The following EPHA5 variants were observed in gnomAD, a reference collection of about 807,000 sequenced individuals.
EPHA5 encodes the protein ephrin type-A receptor 5.
A neutral mutation model predicts 105.0 loss-of-function variants in EPHA5; 60 were observed. That is an observed-to-expected ratio of 0.57 (90% CI 0.46 to 0.71). The LOEUF is 0.71. Ranked by LOEUF, EPHA5 falls within the 30% of genes least tolerant of loss-of-function variation. The pLI, the probability that EPHA5 is intolerant of heterozygous loss-of-function variation, is 0.00. For synonymous variants in EPHA5, 513 were observed against 449.1 expected, an observed-to-expected ratio of 1.14 and a Z score of -1.80; for missense variants, 1,218 against 1,274.7, an observed-to-expected ratio of 0.96 and a Z score of 0.68.
intron 3 of EPHA5, among the ~76,000 whole-genome samples, chr4:65,543,610 A>G (rs1478258911): frequency 6.6e-6 from 1 of 151,954 alleles, no homozygotes; most frequent in Non-Finnish European, 1.5e-5. Flanking sequence ...ATTCTCATAG[A>G]TTGGAAGAAT....
intron 3 of EPHA5, among the ~76,000 whole-genome samples, chr4:65,563,467 T>C (rs1739225864): frequency 6.6e-6 from 1 of 152,060 alleles, no homozygotes; most frequent in African/African-American, 2.4e-5. Flanking sequence ...TAATTATTTG[T>C]CTAAAAGAGC....
At chr4:65,456,719 C>T (rs4860665) in intron 5 of EPHA5, among the ~76,000 whole-genome samples, 30,623 of 83,626 alleles carry the variant, frequency 0.37, 3,899 homozygotes, top group Middle Eastern at 0.48. Context: ...ACAAAATAAA[C>T]ATATACACAC....
At chr4:65,529,512 A>G (rs1446708469) in intron 3 of EPHA5, among the ~76,000 whole-genome samples, 3 of 152,040 alleles carry the variant, frequency 2.0e-5, no homozygotes, top group Non-Finnish European at 4.4e-5. Flanking sequence ...AAAGAAAGAA[A>G]AAAACAACAA....
At chr4:65,496,949 G>T (rs145600642) in intron 3 of EPHA5, among the ~76,000 whole-genome samples, 44 of 152,082 alleles carry the variant, frequency 2.9e-4, no homozygotes. Flanking sequence ...AGGTAAATGC[G>T]CATGAAGTAA....
chr4:65,403,630 T>C (rs553389308), intron 8 of EPHA5, among the ~76,000 whole-genome samples: 1 of 152,058 alleles, frequency 6.6e-6, no homozygotes, highest in Non-Finnish European at 1.5e-5. Flanking sequence ...TTTATTCTAC[T>C]TTATTGCATT....
At chr4:65,418,738 C>T (rs557904482) in intron 6 of EPHA5, among the ~76,000 whole-genome samples, 1 of 151,826 alleles carries the variant, frequency 6.6e-6, no homozygotes. Context: ...CATCCCTCCC[C>T]ATTGTTTTAT....
intron 3 of EPHA5, among the ~76,000 whole-genome samples, chr4:65,547,527 C>T (rs187249337): frequency 1.1e-3 from 172 of 151,590 alleles, no homozygotes; most frequent in African/African-American, 3.7e-3. Flanking sequence ...GGTGATGTTC[C>T]GGTTAAGTCA....
intron 2 of EPHA5, among the ~76,000 whole-genome samples, chr4:65,623,236 T>C (rs943839073): frequency 6.6e-6 from 1 of 152,054 alleles, no homozygotes; most frequent in Non-Finnish European, 1.5e-5. Context: ...ATATTGTTAC[T>C]ACGGGGATCA....
At chr4:65,650,650 T>C (rs1373041739) in intron 1 of EPHA5, among the ~76,000 whole-genome samples, 1 of 151,610 alleles carries the variant, frequency 6.6e-6, no homozygotes, top group Non-Finnish European at 1.5e-5. Context: ...CCACATTGAA[T>C]CATTGACCAA....
At chr4:65,646,967 G>T (rs1748162896) in intron 1 of EPHA5, among the ~76,000 whole-genome samples, 1 of 151,908 alleles carries the variant, frequency 6.6e-6, no homozygotes, top group South Asian at 2.1e-4. Flanking sequence ...AAAGCACTTT[G>T]CCACTACTGT....
intron 8 of EPHA5, among the ~76,000 whole-genome samples, chr4:65,397,293 T>A (rs745237): frequency 0.16 from 23,708 of 152,082 alleles, 2,165 homozygotes; most frequent in East Asian, 0.28. Context: ...ACAGCTCCCC[T>A]CTCCTCTCTT....
chr4:65,337,886 C>T (rs920461896), intron 14 of EPHA5, among the ~76,000 whole-genome samples: 4 of 151,932 alleles, frequency 2.6e-5, no homozygotes, highest in South Asian at 2.1e-4. Context: ...TCAAGGACTC[C>T]AAAATTAAAT....
At chr4:65,358,784 T>C (rs1723547858) in intron 11 of EPHA5, among the ~76,000 whole-genome samples, 1 of 151,556 alleles carries the variant, frequency 6.6e-6, no homozygotes, top group African/African-American at 2.4e-5. Flanking sequence ...CAAAAGCTTG[T>C]ATACCTCACC....
chr4:65,655,506 T>G (rs1443640069), intron 1 of EPHA5, among the ~76,000 whole-genome samples: 1 of 152,114 alleles, frequency 6.6e-6, no homozygotes, highest in Non-Finnish European at 1.5e-5. Flanking sequence ...CAGCTGTATT[T>G]TGTAGCAATG....
intron 3 of EPHA5, among the ~76,000 whole-genome samples, chr4:65,520,442 A>C (rs1734575564): frequency 6.6e-6 from 1 of 152,242 alleles, no homozygotes; most frequent in Admixed American, 6.5e-5. Flanking sequence ...AAACCTAAGC[A>C]ATACCATTCA....
intron 3 of EPHA5, among the ~76,000 whole-genome samples, chr4:65,586,836 T>C (rs1742170268): frequency 6.6e-6 from 1 of 152,090 alleles, no homozygotes; most frequent in African/African-American, 2.4e-5. Context: ...TCTACAGACC[T>C]GGCATGCAGC....
rs898451937 is a variant in EPHA5 at position 65,579,716 on chromosome 4, G to A, written c.910+21925C>T. ...TGAATATTCTCGTGTTTTAGAAAGC[G>A]GATCTCCAACCAATCACATGGCAAT... is the stretch of plus-strand genomic sequence containing the variant. On this transcript the variant is annotated intron_variant, in intron 3 of 16. Coordinates refer to ENST00000613740, the MANE Select transcript of EPHA5 (RefSeq NM_001281766.3). Among the ~76,000 whole-genome samples the A allele has an allele frequency of 9.2e-5, 14 of 151,848 alleles. No individual in the cohort carries two copies. The East Asian group carries it at 1.2e-3, about 13-fold the overall frequency.
chr4:65,659,188 G>T (rs1400321959), intron 1 of EPHA5, among the ~76,000 whole-genome samples: 1 of 151,822 alleles, frequency 6.6e-6, no homozygotes, highest in Non-Finnish European at 1.5e-5. Flanking sequence ...CAGAGCAAGA[G>T]GTAGTGATCA....
chr4:65,343,030 T>C (rs1378433578), intron 14 of EPHA5, among the ~76,000 whole-genome samples: 2 of 152,138 alleles, frequency 1.3e-5, no homozygotes, highest in African/African-American at 4.8e-5. Flanking sequence ...AAAAACAGGC[T>C]ACTTAAATTA....
Sources: gnomAD v4.1 joint callset for allele counts (sites outside exome capture counted in the v4.1 genomes callset) on GRCh38, gnomAD v4.1.1 for gene constraint, MANE v1.5 for transcripts, NCBI Gene and HGNC (gene_info 2026-07-23, HGNC 2026-07-21) for gene names.